Variants in KRABD3 observed in about 807,000 individuals in gnomAD.
KRABD3 encodes the protein KRAB domain containing 3.
At chr7:149,718,273 G>T in the KRABD3 span, among the ~76,000 whole-genome samples, 1 of 152,294 alleles carries the variant, frequency 6.6e-6, no homozygotes, top group Middle Eastern at 3.4e-3. Flanking sequence ...ACTGCCCTGA[G>T]CAGATGAAAC....
chr7:149,733,067 C>A, the KRABD3 span: 1 of 997,890 alleles, frequency 1.0e-6, no homozygotes, highest in Non-Finnish European at 1.5e-6. Flanking sequence ...CGTTCTCAGG[C>A]CTCACCCACC....
At chr7:149,719,047 G>A in the KRABD3 span, among the ~76,000 whole-genome samples, 11 of 152,306 alleles carry the variant, frequency 7.2e-5, no homozygotes, top group African/African-American at 2.2e-4. This position sits in a 1 kb window ranked among gnomAD's most constrained non-coding sequence, Gnocchi z 5.6. Flanking sequence ...CTGCAGACCC[G>A]AAGCCCTACG....
chr7:149,731,449 C>T, the KRABD3 span, among the ~76,000 whole-genome samples: 10 of 152,240 alleles, frequency 6.6e-5, no homozygotes, highest in African/African-American at 2.4e-4. Context: ...GCCGCCTCCT[C>T]CTGCCGGAGC....
At chr7:149,722,137 G>C in the KRABD3 span, 1 of 476,346 alleles carries the variant, frequency 2.1e-6, no homozygotes, top group African/African-American at 2.0e-5. Flanking sequence ...GGTTTGAGAA[G>C]CGTGAGTGTG....
the KRABD3 span, chr7:149,730,098 C>T: frequency 1.4e-6 from 2 of 1,449,170 alleles, no homozygotes; most frequent in Non-Finnish European, 1.8e-6. Flanking sequence ...AGGCAGAGAC[C>T]TGGCTCTCTT....
At chr7:149,731,451 T>C in the KRABD3 span, among the ~76,000 whole-genome samples, 2 of 152,208 alleles carry the variant, frequency 1.3e-5, no homozygotes, top group African/African-American at 4.8e-5. Flanking sequence ...CGCCTCCTCC[T>C]GCCGGAGCCC....
chr7:149,721,404 C>T, the KRABD3 span: 1 of 1,608,356 alleles, frequency 6.2e-7, no homozygotes, highest in Admixed American at 1.7e-5. Context: ...GAGCCCTGCC[C>T]TCTCCGAGGC....
the KRABD3 span, chr7:149,723,011 G>A: frequency 7.3e-7 from 1 of 1,361,634 alleles, no homozygotes; most frequent in South Asian, 1.5e-5. Context: ...CATTTCAACA[G>A]CGATTCCTCC....
chr7:149,729,276 G>A, the KRABD3 span: 2 of 1,605,478 alleles, frequency 1.2e-6, no homozygotes, highest in Non-Finnish European at 1.7e-6. Flanking sequence ...TCAGCCCACA[G>A]GTGTTCACCT....
chr7:149,723,398 T>A, the KRABD3 span, among the ~76,000 whole-genome samples: 25 of 152,358 alleles, frequency 1.6e-4, no homozygotes, highest in African/African-American at 6.0e-4. Context: ...GCTGCAGTAA[T>A]GTACTTACTG....
the KRABD3 span, chr7:149,725,879 C>T: frequency 6.4e-7 from 1 of 1,563,832 alleles, no homozygotes; most frequent in South Asian, 1.2e-5. Context: ...CTGTGCTGTT[C>T]CCTACAGAAG....
chr7:149,717,266 A>T, the KRABD3 span, among the ~76,000 whole-genome samples: 1 of 152,180 alleles, frequency 6.6e-6, no homozygotes, highest in Non-Finnish European at 1.5e-5. Flanking sequence ...TGTGGCACAC[A>T]CCACGTCATT....
At chr7:149,730,175 C>T in the KRABD3 span, 6 of 1,565,472 alleles carry the variant, frequency 3.8e-6, no homozygotes, top group Non-Finnish European at 5.2e-6. Flanking sequence ...CCCCGCTGCA[C>T]TGCCTGGAGA....
chr7:149,724,601 A>G, the KRABD3 span: 1 of 1,345,808 alleles, frequency 7.4e-7, no homozygotes, highest in Non-Finnish European at 9.9e-7. Context: ...AGGGATTCTC[A>G]GGGTGAGTCC....
the KRABD3 span, chr7:149,723,446 G>C: frequency 2.1e-5 from 9 of 429,154 alleles, no homozygotes; most frequent in Non-Finnish European, 3.8e-5. Context: ...TTCTGTTCAG[G>C]ACCCCAGAGC....
the KRABD3 span, chr7:149,723,999 C>T: frequency 1.6e-6 from 2 of 1,234,300 alleles, no homozygotes; most frequent in Non-Finnish European, 2.3e-6. Flanking sequence ...CCATATTGGC[C>T]TGTCGGGAAG....
At chr7:149,725,837 C>T in the KRABD3 span, 1 of 1,463,592 alleles carries the variant, frequency 6.8e-7, no homozygotes, top group South Asian at 1.4e-5. Flanking sequence ...GCCCAGGAGT[C>T]TCTTCTCCAG....
the KRABD3 span, chr7:149,729,676 G>C: frequency 1.0e-6 from 1 of 985,452 alleles, no homozygotes; most frequent in Non-Finnish European, 1.2e-6. Context: ...ACTTCCAGCA[G>C]AATTCCTTCC....
At chr7:149,731,021 A>C in the KRABD3 span, among the ~76,000 whole-genome samples, 1 of 152,134 alleles carries the variant, frequency 6.6e-6, no homozygotes, top group Admixed American at 6.5e-5. Context: ...TCTCACTGTG[A>C]CCCACTGTTT....
Sources: allele counts gnomAD v4.1 joint callset (sites outside exome capture counted in the v4.1 genomes callset), GRCh38; gene constraint gnomAD v4.1.1; non-coding constraint Gnocchi (gnomAD v3.1); transcripts MANE v1.5; gene names NCBI Gene and HGNC (gene_info 2026-07-23, HGNC 2026-07-21).